The following CHN1 variants were observed in gnomAD, a reference collection of about 807,000 sequenced individuals.
The protein encoded by CHN1 is N-chimaerin.
A neutral mutation model predicts 59.5 loss-of-function variants in CHN1; 37 were observed. That is an observed-to-expected ratio of 0.62 (90% CI 0.48 to 0.82). The LOEUF is 0.82. Ranked by LOEUF, CHN1 falls within the 40% of genes least tolerant of loss-of-function variation. The pLI, the probability that CHN1 is intolerant of heterozygous loss-of-function variation, is 0.00. For missense variants in CHN1, 469 were observed against 571.0 expected (o/e 0.82, Z 1.82); for synonymous variants, 206 against 200.4 (o/e 1.03, Z -0.24).
At chr2:174,971,357 G>T (rs572061686) in intron 1 of CHN1, among the ~76,000 whole-genome samples, 6 of 152,286 alleles carry the variant, frequency 3.9e-5, no homozygotes, top group Admixed American at 6.5e-5. Context: ...TGTTATTTAT[G>T]TTAACATGTA....
intron 1 of CHN1, among the ~76,000 whole-genome samples, chr2:174,957,036 C>T (rs1430307959): frequency 2.0e-5 from 3 of 152,004 alleles, no homozygotes; most frequent in Admixed American, 2.0e-4. Flanking sequence ...TTAAAGACAC[C>T]TTATTTCGTA....
chr2:174,807,442 CTATCTGTG>C (rs1440550386), intron 11 of CHN1, among the ~76,000 whole-genome samples: 6 of 114,196 alleles, frequency 5.3e-5, no homozygotes, highest in South Asian at 6.1e-4. Flanking sequence ...TTTTCACGGG[CTATCTGTG>C]TGTGTGTGTG....
chr2:174,990,776 G>T (rs1691523173), intron 1 of CHN1, among the ~76,000 whole-genome samples: 1 of 152,038 alleles, frequency 6.6e-6, no homozygotes. Flanking sequence ...TATGATAAAA[G>T]AAACATGAAT....
chr2:174,842,628 G>A (rs551826862), intron 7 of CHN1, among the ~76,000 whole-genome samples: 8 of 152,246 alleles, frequency 5.3e-5, no homozygotes, highest in African/African-American at 1.9e-4. Context: ...GCTTGGATTT[G>A]CCCACGTCCT....
intron 7 of CHN1, among the ~76,000 whole-genome samples, chr2:174,831,576 CAAT>C (rs1342980527): frequency 6.6e-6 from 1 of 152,036 alleles, no homozygotes; most frequent in African/African-American, 2.4e-5. Context: ...AATGATGAAA[CAAT>C]AAATATAACC....
At chr2:174,867,242 G>A (rs992907175) in intron 6 of CHN1, among the ~76,000 whole-genome samples, 4 of 151,808 alleles carry the variant, frequency 2.6e-5, no homozygotes, top group Non-Finnish European at 5.9e-5. Flanking sequence ...TGAGCGTGGT[G>A]GTGCACGCCT....
intron 6 of CHN1, among the ~76,000 whole-genome samples, chr2:174,850,952 T>C (rs982278089): frequency 6.6e-6 from 1 of 152,126 alleles, no homozygotes; most frequent in African/African-American, 2.4e-5. Context: ...AATGGTCACT[T>C]TATAGATGAG....
At chr2:174,807,509 T>C (rs1467425029) in intron 11 of CHN1, among the ~76,000 whole-genome samples, 1 of 142,874 alleles carries the variant, frequency 7.0e-6, no homozygotes, top group Non-Finnish European at 1.5e-5. Context: ...TGTGTGTGTG[T>C]GTGTTGCTTT....
In CHN1 at chr2:175,005,376, T is replaced by G. The variant is rs1031423339; in HGVS notation, c.-464A>C. On this transcript the variant is annotated 5_prime_UTR_variant, in exon 1 of 13. Coordinates refer to ENST00000409900, the MANE Select transcript of CHN1 (RefSeq NM_001822.7). ...GCAGACGCCATCTTGCGATAGCGTC[T>G]CCCACGAGCTCGGCCGCGCCGCTGC... 1.9e-6 allele frequency: 2 copies of G among 1,074,146 alleles called. No individual in the cohort carries two copies. Among genetic ancestry groups the G allele is most frequent in the Non-Finnish European group, 2.3e-6 (2 of 881,436 alleles). The allele number at this position is 1,074,146 out of a possible 1,614,324, so 66.5% of individuals were successfully genotyped here. A position where few individuals can be genotyped will look rare whatever the true frequency, so the allele number is the denominator to read the frequency against.
intron 5 of CHN1, among the ~76,000 whole-genome samples, chr2:174,906,655 A>G (rs1228420390): frequency 8.1e-6 from 1 of 123,024 alleles, no homozygotes; most frequent in Non-Finnish European, 1.7e-5. Context: ...ATGCTTGCAA[A>G]CAGAGTAAGA....
rs1686534601 is a variant in CHN1, at chr2:174,846,867, C to CAAAT, written c.627+9_627+12dup. On this transcript the variant is annotated intron_variant, in intron 7 of 12. Coordinates refer to ENST00000409900, the MANE Select transcript of CHN1 (RefSeq NM_001822.7). ...TATGCATTTCTTAAAAGACTAAAAG[C>CAAAT]AAATATTCTTACCTTGAAATTGTGA... 1.3e-6 allele frequency: 2 copies of CAAAT among 1,543,394 alleles called. No individual in the cohort carries two copies. Among genetic ancestry groups the CAAAT allele is most frequent in the African/African-American group, 2.8e-5 (2 of 72,708 alleles).
At chr2:174,910,954 T>A (rs1019221753) in intron 5 of CHN1, among the ~76,000 whole-genome samples, 1 of 145,236 alleles carries the variant, frequency 6.9e-6, no homozygotes, top group South Asian at 2.3e-4. Context: ...ATTTAAAAGA[T>A]CATTTCATAT....
intron 6 of CHN1, among the ~76,000 whole-genome samples, chr2:174,867,625 T>C (rs1687265236): frequency 1.3e-5 from 2 of 152,138 alleles, no homozygotes; most frequent in African/African-American, 4.8e-5. Flanking sequence ...GTTCATTACA[T>C]AATGAATATT....
intron 7 of CHN1, among the ~76,000 whole-genome samples, chr2:174,838,510 TG>T (rs774718715): frequency 6.6e-6 from 1 of 152,128 alleles, no homozygotes; most frequent in Non-Finnish European, 1.5e-5. Context: ...CACAGAGACA[TG>T]AAATATTACA....
At position 175,000,001 on chromosome 2, in the gene CHN1, C is replaced by T. The variant is rs141156044; in HGVS notation, c.19+4893G>A. ...TGCCAACATTCCTCTACAGTGTACA[C>T]AGATGGTGACTATCAGAGTTATAAC... On this transcript the variant is annotated intron_variant, in intron 1 of 12. Coordinates refer to ENST00000409900, the MANE Select transcript of CHN1 (RefSeq NM_001822.7). Among the ~76,000 whole-genome samples the T allele has an allele frequency of 5.9e-3, 896 of 152,320 alleles. 4 individuals carry two copies. Among genetic ancestry groups the T allele is most frequent in the Non-Finnish European group, 8.9e-3 (608 of 68,028 alleles).
intron 1 of CHN1, among the ~76,000 whole-genome samples, chr2:174,955,604 A>G (rs1317247033): frequency 6.6e-6 from 1 of 152,130 alleles, no homozygotes; most frequent in Non-Finnish European, 1.5e-5. Context: ...CATGTAACCA[A>G]ACACCACCTA....
chr2:174,800,017 A>C lies in CHN1; in HGVS notation c.*99T>G. 8.7e-7 allele frequency: 1 copy of C among 1,151,464 alleles called. No individual in the cohort carries two copies. Among genetic ancestry groups the C allele is most frequent in the Non-Finnish European group, 1.3e-6 (1 of 794,074 alleles). 71.3% of individuals were successfully genotyped at this position (1,151,464 alleles called of 1,614,324 possible). A position where few individuals can be genotyped will look rare whatever the true frequency, so the allele number is the denominator to read the frequency against. On this transcript the variant is annotated 3_prime_UTR_variant, in exon 13 of 13. Transcript: ENST00000409900. Reference sequence around the variant, plus strand: ...CACTTTAATCTGGTTATATGCCCAAACCTCTAATCAAGAAATAATGCAGCT... The same window carrying C: ...CACTTTAATCTGGTTATATGCCCAACCCTCTAATCAAGAAATAATGCAGCT...
chr2:174,904,263 A>AAAAT (rs1240707546), intron 5 of CHN1, among the ~76,000 whole-genome samples: 2 of 152,196 alleles, frequency 1.3e-5, no homozygotes, highest in East Asian at 1.9e-4. Flanking sequence ...TCCGTCTCAA[A>AAAAT]AAATAAATAA....
intron 7 of CHN1, among the ~76,000 whole-genome samples, chr2:174,836,768 C>G (rs576975216): frequency 6.6e-6 from 1 of 152,314 alleles, no homozygotes; most frequent in East Asian, 1.9e-4. Flanking sequence ...CCAGTACATT[C>G]CCTTCTCCTG....
Sources: allele counts gnomAD v4.1 joint callset (sites outside exome capture counted in the v4.1 genomes callset), GRCh38; gene constraint gnomAD v4.1.1; transcripts MANE v1.5; gene names NCBI Gene and HGNC (gene_info 2026-07-23, HGNC 2026-07-21).